ZDHHC21: variants seen among roughly 807,000 people sequenced by gnomAD.
The protein encoded by ZDHHC21 is zDHHC palmitoyltransferase 21.
Under a neutral mutation model 34.6 loss-of-function variants are expected in ZDHHC21, and 15 were observed. The observed-to-expected ratio is 0.43, with a 90% CI of 0.29 to 0.67. The LOEUF is 0.67. ZDHHC21 is among the 30% of genes least tolerant of loss of function. The pLI is 0.14. For missense variants in ZDHHC21, 344 were observed against 327.7 expected (o/e 1.05, Z -0.38); for synonymous variants, 142 against 101.8 (o/e 1.40, Z -2.38).
chr9:14,669,661 A>G lies in ZDHHC21; in HGVS notation c.253+3169T>C, dbSNP rs375974816. Among the ~76,000 whole-genome samples, 661 of 145,672 alleles carry G rather than the reference A, an allele frequency of 4.5e-3. 6 individuals carry two copies. Among genetic ancestry groups the G allele is most frequent in the African/African-American group, 0.016 (616 of 39,140 alleles). On this transcript the variant is annotated intron_variant, in intron 5 of 9. Coordinates refer to ENST00000380916, the MANE Select transcript of ZDHHC21 (RefSeq NM_178566.6). ...AAATGTGGCACATATACACCATGGA[A>G]TACTATGCAGCCATAAAAAATGATG...
chr9:14,627,889 A>G (rs573982528), intron 8 of ZDHHC21, among the ~76,000 whole-genome samples: 1 of 152,296 alleles, frequency 6.6e-6, no homozygotes, highest in African/African-American at 2.4e-5. Flanking sequence ...CATCAATTAC[A>G]TTAAATAACA....
At chr9:14,608,860 T>C (rs551257784), downstream of ZDHHC21, among the ~76,000 whole-genome samples, 3 of 152,144 alleles carry the variant, frequency 2.0e-5, no homozygotes, top group Non-Finnish European at 4.4e-5. Context: ...CTCAAATGAT[T>C]TTGCACTCTT....
At chr9:14,628,585 G>T (rs1201611789) in intron 8 of ZDHHC21, among the ~76,000 whole-genome samples, 1 of 151,466 alleles carries the variant, frequency 6.6e-6, no homozygotes, top group Non-Finnish European at 1.5e-5. Flanking sequence ...GCAAGAGTAG[G>T]GAAAAAGTAA....
chr9:14,690,303 G>C (rs900584659), intron 2 of ZDHHC21, 34 bp downstream of exon 2: 1 of 447,346 alleles, frequency 2.2e-6, no homozygotes, highest in Non-Finnish European at 4.5e-6. Flanking sequence ...CATGATTTAA[G>C]AACACTAACA....
chr9:14,622,570 G>A (rs768957123), intron 8 of ZDHHC21: 47 of 985,210 alleles, frequency 4.8e-5, no homozygotes, highest in East Asian at 2.3e-4. Flanking sequence ...GGCATAGAGC[G>A]CTTGATGATA....
intron 2 of ZDHHC21, among the ~76,000 whole-genome samples, chr9:14,682,587 T>C (rs1159798788): frequency 6.6e-6 from 1 of 152,082 alleles, no homozygotes; most frequent in Non-Finnish European, 1.5e-5. Context: ...CACACAATAA[T>C]AATGGGAGAC....
Position 14,627,884 on chromosome 9 carries a change from A to G in ZDHHC21, c.622-8202T>C, listed in dbSNP as rs74822572. On this transcript the variant is annotated intron_variant, in intron 8 of 9. Transcript: ENST00000380916. ...CTGCTCAATAATTCAGACAACATCAATTACATTAAATAACATCACTATCCA... is the reference window on the plus strand; with the variant it reads ...CTGCTCAATAATTCAGACAACATCAGTTACATTAAATAACATCACTATCCA... 6.0e-3 allele frequency among the ~76,000 whole-genome samples: 921 copies of G among 152,274 alleles called. 13 individuals carry two copies. Among genetic ancestry groups the G allele is most frequent in the African/African-American group, 0.021 (875 of 41,542 alleles).
chr9:14,644,006 A>G (rs1829855668), intron 7 of ZDHHC21, among the ~76,000 whole-genome samples: 8 of 152,220 alleles, frequency 5.3e-5, no homozygotes, highest in Admixed American at 5.2e-4. Context: ...TAAAAATTTT[A>G]AAGTTACATT....
At chr9:14,649,025 C>T (rs1587116821) in intron 7 of ZDHHC21, among the ~76,000 whole-genome samples, 1 of 151,798 alleles carries the variant, frequency 6.6e-6, no homozygotes, top group African/African-American at 2.4e-5. Context: ...TGTTTTGTTA[C>T]AGGGGACACT....
At chr9:14,594,214 G>A in the ZDHHC21 span, 1 of 152,164 alleles carries the variant, frequency 6.6e-6, no homozygotes, top group South Asian at 2.1e-4. Flanking sequence ...GCACCAATGA[G>A]GATGAAATAA....
chr9:14,671,235 G>A (rs1250463005), intron 5 of ZDHHC21, among the ~76,000 whole-genome samples: 1 of 151,906 alleles, frequency 6.6e-6, no homozygotes, highest in Admixed American at 6.6e-5. Context: ...TGCAATGCTT[G>A]GTTTGTTTGA....
chr9:14,633,812 G>A (rs1456194571), intron 8 of ZDHHC21, among the ~76,000 whole-genome samples: 1 of 152,164 alleles, frequency 6.6e-6, no homozygotes, highest in African/African-American at 2.4e-5. Context: ...AGCAAAGTGT[G>A]CAATCCCCAG....
chr9:14,683,385 A>G (rs1281778931), intron 2 of ZDHHC21, among the ~76,000 whole-genome samples: 1 of 152,232 alleles, frequency 6.6e-6, no homozygotes, highest in Non-Finnish European at 1.5e-5. Flanking sequence ...CCAATCCCAC[A>G]GAAATACAAA....
downstream of ZDHHC21, among the ~76,000 whole-genome samples, chr9:14,608,125 T>C (rs1823074713): frequency 6.6e-6 from 1 of 152,164 alleles, no homozygotes; most frequent in African/African-American, 2.4e-5. Flanking sequence ...TGAACCTGTT[T>C]AACATAATGA....
At chr9:14,660,977 T>G (rs1587248812) in intron 6 of ZDHHC21, among the ~76,000 whole-genome samples, 1 of 152,314 alleles carries the variant, frequency 6.6e-6, no homozygotes, top group East Asian at 1.9e-4. Context: ...ATTACTATTG[T>G]GAGAGCAAAC....
chr9:14,680,659 T>G (rs1837210921), intron 2 of ZDHHC21, among the ~76,000 whole-genome samples: 1 of 152,192 alleles, frequency 6.6e-6, no homozygotes, highest in South Asian at 2.1e-4. Flanking sequence ...TGTAAAGTAC[T>G]GTATATAACA....
At chr9:14,681,639 A>T (rs1837389467) in intron 2 of ZDHHC21, among the ~76,000 whole-genome samples, 1 of 152,078 alleles carries the variant, frequency 6.6e-6, no homozygotes, top group African/African-American at 2.4e-5. Context: ...CATTGACTAC[A>T]TGCAACTAGG....
At chr9:14,647,624 C>T (rs1020538231) in intron 7 of ZDHHC21, among the ~76,000 whole-genome samples, 8 of 152,092 alleles carry the variant, frequency 5.3e-5, no homozygotes, top group Non-Finnish European at 1.2e-4. Context: ...ATATATTCAA[C>T]TCCCTACTTG....
At chr9:14,619,235 T>G (rs972842183) in intron 9 of ZDHHC21, 137 bp from the exon 10 acceptor site, 4 of 972,834 alleles carry the variant, frequency 4.1e-6, no homozygotes, top group Non-Finnish European at 5.8e-6. Flanking sequence ...ACAGCTTTTC[T>G]TTCATTATGG....
Sources: gnomAD v4.1 joint callset for allele counts (sites outside exome capture counted in the v4.1 genomes callset) on GRCh38, gnomAD v4.1.1 for gene constraint, MANE v1.5 for transcripts, NCBI Gene and HGNC (gene_info 2026-07-23, HGNC 2026-07-21) for gene names.